The following ANO4 variants were observed in gnomAD, a reference collection of about 807,000 sequenced individuals.
ANO4 encodes anoctamin-4.
In ANO4, 69 loss-of-function variants were observed where a neutral mutation model predicts 141.9. The ratio of observed to expected loss-of-function variants is 0.49; its 90% CI spans 0.40 to 0.59. The LOEUF (loss-of-function observed/expected upper bound fraction) is 0.59, where lower values mean the gene tolerates loss of function less well. Ranked by LOEUF, ANO4 falls within the 20% of genes least tolerant of loss-of-function variation. The pLI, the probability that ANO4 is intolerant of heterozygous loss-of-function variation, is 0.00. For missense variants in ANO4, 894 were observed against 1,162.2 expected (o/e 0.77, Z 3.36); for synonymous variants, 350 against 394.3 (o/e 0.89, Z 1.33).
intron 3 of ANO4, among the ~76,000 whole-genome samples, chr12:100,771,813 A>G (rs1470957871): frequency 6.6e-6 from 1 of 152,212 alleles, no homozygotes; most frequent in East Asian, 1.9e-4. Flanking sequence ...GAATGCGGGT[A>G]TACGTGAGTG....
At chr12:101,105,331 C>G (rs1387873358) in intron 22 of ANO4, among the ~76,000 whole-genome samples, 1 of 152,166 alleles carries the variant, frequency 6.6e-6, no homozygotes, top group African/African-American at 2.4e-5. Flanking sequence ...CGGAGTATCA[C>G]AAATTTGTTC....
intron 1 of ANO4, among the ~76,000 whole-genome samples, chr12:100,728,245 A>G (rs1028154495): frequency 1.5e-4 from 23 of 152,136 alleles, no homozygotes; most frequent in Admixed American, 5.9e-4. Flanking sequence ...TTCTTTTGTT[A>G]TAAGATTGTG....
chr12:101,102,867 T>A (rs1262281317), intron 22 of ANO4, among the ~76,000 whole-genome samples: 2 of 151,994 alleles, frequency 1.3e-5, no homozygotes, highest in African/African-American at 4.8e-5. Flanking sequence ...TTTATTTATG[T>A]CTTTTTACAT....
At chr12:100,789,049 T>C (rs2033960756) in intron 3 of ANO4, among the ~76,000 whole-genome samples, 1 of 152,074 alleles carries the variant, frequency 6.6e-6, no homozygotes, top group South Asian at 2.1e-4. Flanking sequence ...GATTAGGGCT[T>C]GTAGATGTGA....
intron 2 of ANO4, among the ~76,000 whole-genome samples, chr12:100,734,556 A>G (rs2031524351): frequency 6.6e-6 from 1 of 152,220 alleles, no homozygotes; most frequent in South Asian, 2.1e-4. Flanking sequence ...GACTCCCTGC[A>G]TACATTATTT....
chr12:100,787,845 A>T (rs2033922354), intron 3 of ANO4, among the ~76,000 whole-genome samples: 1 of 152,230 alleles, frequency 6.6e-6, no homozygotes, highest in Non-Finnish European at 1.5e-5. Flanking sequence ...GGAAAAATGG[A>T]AAGTCAGAGG....
intron 22 of ANO4, among the ~76,000 whole-genome samples, chr12:101,104,611 GTGTGTATGTA>G (rs1276878561): frequency 0.03 from 2,308 of 77,884 alleles, 83 homozygotes; most frequent in African/African-American, 0.13. Context: ...GTGTGTGTGT[GTGTGTATGTA>G]TGTGTGTATA....
At chr12:100,718,721 C>T (rs2136709233) in intron 1 of ANO4, among the ~76,000 whole-genome samples, 1 of 152,242 alleles carries the variant, frequency 6.6e-6, no homozygotes, top group Middle Eastern at 3.4e-3. Flanking sequence ...TTCTTTCCTC[C>T]AACCCCCTTC....
intron 1 of ANO4, among the ~76,000 whole-genome samples, chr12:100,872,556 CA>C (rs2039086115): frequency 6.6e-6 from 1 of 152,184 alleles, no homozygotes; most frequent in African/African-American, 2.4e-5. Context: ...TCATTAAAAA[CA>C]AATGCAAGTA....
At chr12:100,750,151 T>G (rs1032391721) in intron 3 of ANO4, among the ~76,000 whole-genome samples, 1 of 151,966 alleles carries the variant, frequency 6.6e-6, no homozygotes, top group Admixed American at 6.6e-5. Context: ...TTTCTTTTTC[T>G]TTTTAGACAG....
chr12:100,856,902 A>G lies in ANO4; in HGVS notation c.-140-44744A>G, dbSNP rs1013483078. On this transcript the variant is annotated intron_variant, in intron 1 of 27. Coordinates refer to ENST00000392977, the MANE Select transcript of ANO4 (RefSeq NM_001286615.2). The stretch of plus-strand genomic sequence containing the variant: ...GAGGATCTTAAAATATTTAAGAGGG[A>G]AACTTGGCAGGACTTTCTGATTGAC... 3.9e-5 allele frequency among the ~76,000 whole-genome samples: 6 copies of G among 152,060 alleles called. No homozygotes were observed. In the South Asian group the frequency reaches 6.2e-4, roughly 16 times the overall value.
Position 100,836,674 on chromosome 12 carries a change from A to G in ANO4, c.-141+41647A>G, listed in dbSNP as rs549423677. Among the ~76,000 whole-genome samples the G allele has an allele frequency of 9.2e-5, 14 of 152,204 alleles. No individual in the cohort carries two copies. The East Asian group carries it at 1.9e-3, about 21-fold the overall frequency. On this transcript the variant is annotated intron_variant, in intron 1 of 27. Coordinates refer to ENST00000392977, the MANE Select transcript of ANO4 (RefSeq NM_001286615.2). ...AGGTCTTCTAATGAGGTCATAGGCAATGCTTCCAAGGGAGTTTTTCTTCAA... is the reference window on the plus strand; with the variant it reads ...AGGTCTTCTAATGAGGTCATAGGCAGTGCTTCCAAGGGAGTTTTTCTTCAA...
rs376605584 is a variant in ANO4, at chr12:101,115,979, G to T, written c.2451-700G>T. ...AAAGGAGAGGGCATACATATATGCT[G>T]CCAACTCTAGTACAAGCGATCTGGT... is the stretch of plus-strand genomic sequence containing the variant. On this transcript the variant is annotated intron_variant, in intron 24 of 27. Coordinates refer to ENST00000392977, the MANE Select transcript of ANO4 (RefSeq NM_001286615.2). Among the ~76,000 whole-genome samples the T allele has an allele frequency of 3.4e-4, 52 of 152,252 alleles. 1 individual carries two copies. In the South Asian group the frequency reaches 0.011, roughly 32 times the overall value.
intron 3 of ANO4, among the ~76,000 whole-genome samples, chr12:100,753,930 G>A (rs528267947): frequency 8.5e-5 from 13 of 152,196 alleles, no homozygotes; most frequent in African/African-American, 2.6e-4. Context: ...AACAAGCTGC[G>A]TCATCATCCA....
intron 9 of ANO4, among the ~76,000 whole-genome samples, chr12:101,028,826 G>C (rs1251143374): frequency 6.6e-6 from 1 of 152,094 alleles, no homozygotes; most frequent in Non-Finnish European, 1.5e-5. Flanking sequence ...AGAAAATACA[G>C]AGAACACCAC....
chr12:101,075,784 CAAG>C (rs2049002346), intron 14 of ANO4, among the ~76,000 whole-genome samples: 2 of 149,792 alleles, frequency 1.3e-5, no homozygotes, highest in South Asian at 2.1e-4. Context: ...TTGAAGGAGA[CAAG>C]AAAGTGTGAG....
At chr12:100,900,275 CCTT>C (rs1258859751) in intron 1 of ANO4, among the ~76,000 whole-genome samples, 2 of 151,734 alleles carry the variant, frequency 1.3e-5, no homozygotes, top group African/African-American at 4.8e-5. Flanking sequence ...CACCCTCCCT[CCTT>C]CTTTCTCTTT....
intron 1 of ANO4, among the ~76,000 whole-genome samples, chr12:100,876,106 TAGTA>T (rs1476360202): frequency 6.6e-6 from 1 of 152,142 alleles, no homozygotes; most frequent in African/African-American, 2.4e-5. Context: ...ATAAATTACT[TAGTA>T]AGTGCTCCGT....
rs184088040 is a variant in ANO4, at chr12:101,057,961, G to A, written c.1312+9560G>A. 3.6e-3 allele frequency among the ~76,000 whole-genome samples: 542 copies of A among 152,288 alleles called. 2 individuals are homozygous for A. Among genetic ancestry groups the A allele is most frequent in the African/African-American group, 0.012 (504 of 41,558 alleles). ...CCATGCCTATGTCCTGAATGGTATTGCCTAGGTTTTCCTCTAGGATTTTTA... is the reference window on the plus strand; with the variant it reads ...CCATGCCTATGTCCTGAATGGTATTACCTAGGTTTTCCTCTAGGATTTTTA... On this transcript the variant is annotated intron_variant, in intron 14 of 27. Coordinates refer to ENST00000392977, the MANE Select transcript of ANO4 (RefSeq NM_001286615.2).
Sources: allele counts gnomAD v4.1 joint callset (sites outside exome capture counted in the v4.1 genomes callset), GRCh38; gene constraint gnomAD v4.1.1; transcripts MANE v1.5; gene names NCBI Gene and HGNC (gene_info 2026-07-23, HGNC 2026-07-21).